The following SPOPL variants were observed in gnomAD, a reference collection of about 807,000 sequenced individuals.
The protein encoded by SPOPL is speckle-type POZ protein-like.
In SPOPL, 23 loss-of-function variants were observed where a neutral mutation model predicts 53.8. That is an observed-to-expected ratio of 0.43 (90% CI 0.31 to 0.61). The LOEUF is 0.61. Among genes scored for constraint, SPOPL ranks in the 20% least tolerant of loss-of-function variants. The pLI, the probability that SPOPL is intolerant of heterozygous loss-of-function variation, is 0.12. For missense variants in SPOPL, 442 were observed against 466.9 expected (o/e 0.95, Z 0.49); for synonymous variants, 164 against 149.7 (o/e 1.10, Z -0.70).
At chr2:138,514,646 G>T (rs1684401023) in intron 1 of SPOPL, among the ~76,000 whole-genome samples, 1 of 152,146 alleles carries the variant, frequency 6.6e-6, no homozygotes, top group Admixed American at 6.5e-5. Flanking sequence ...CATGAATAGA[G>T]TCCCTGTAAA....
intron 1 of SPOPL, among the ~76,000 whole-genome samples, chr2:138,539,055 C>T (rs1685003524): frequency 6.6e-6 from 1 of 152,186 alleles, no homozygotes; most frequent in Non-Finnish European, 1.5e-5. Flanking sequence ...CAGCTTCATC[C>T]ATGTCCCTAC....
chr2:138,526,467 T>A (rs994117765), intron 1 of SPOPL, among the ~76,000 whole-genome samples: 4 of 152,124 alleles, frequency 2.6e-5, no homozygotes, highest in Admixed American at 2.6e-4. Context: ...GAAATTAAAT[T>A]GTGTGTTAAT....
At chr2:138,557,292 A>G (rs73959470) in intron 5 of SPOPL, among the ~76,000 whole-genome samples, 1,651 of 152,310 alleles carry the variant, frequency 0.011, 35 homozygotes, top group African/African-American at 0.037. Context: ...AGGTGAATAG[A>G]TTAGATGATT....
chr2:138,520,505 G>T (rs1558863893), intron 1 of SPOPL, among the ~76,000 whole-genome samples: 1 of 152,170 alleles, frequency 6.6e-6, no homozygotes, highest in South Asian at 2.1e-4. Context: ...GTCAGGTTTT[G>T]CTATTTTGTT....
intron 1 of SPOPL, among the ~76,000 whole-genome samples, chr2:138,535,864 T>C (rs1356448258): frequency 6.6e-6 from 1 of 152,176 alleles, no homozygotes; most frequent in Non-Finnish European, 1.5e-5. Context: ...CTCTACTGAT[T>C]TGTCTGTAAG....
intron 1 of SPOPL, among the ~76,000 whole-genome samples, chr2:138,531,577 G>A (rs1370199228): frequency 4.6e-5 from 7 of 152,070 alleles, no homozygotes; most frequent in Non-Finnish European, 5.9e-5. Flanking sequence ...TGTGTCTCAC[G>A]TTTGCCTTAG....
At chr2:138,550,405 G>T in intron 2 of SPOPL, 78 bp from the exon 3 acceptor site, 2 of 1,584,130 alleles carry the variant, frequency 1.3e-6, no homozygotes, top group Non-Finnish European at 1.7e-6. Context: ...TAGAAGACTG[G>T]ATCGTAGGAT....
chr2:138,536,129 A>C (rs1684926882), intron 1 of SPOPL, among the ~76,000 whole-genome samples: 2 of 152,154 alleles, frequency 1.3e-5, no homozygotes, highest in Admixed American at 6.5e-5. Context: ...TCCAACATGT[A>C]AGTTTAATCA....
chr2:138,515,659 CA>C (rs1684421354), intron 1 of SPOPL, among the ~76,000 whole-genome samples: 1 of 152,128 alleles, frequency 6.6e-6, no homozygotes, highest in Non-Finnish European at 1.5e-5. Context: ...ATTCCTTAAT[CA>C]TTGTAGATTA....
chr2:138,502,547 C>T (rs1271858302), intron 1 of SPOPL, among the ~76,000 whole-genome samples: 1 of 152,188 alleles, frequency 6.6e-6, no homozygotes, highest in East Asian at 1.9e-4. Flanking sequence ...CACTTTCATA[C>T]CTCCTCATCC....
intron 1 of SPOPL, among the ~76,000 whole-genome samples, chr2:138,521,368 T>A (rs79088597): frequency 6.7e-6 from 1 of 148,520 alleles, no homozygotes; most frequent in Admixed American, 6.6e-5. Flanking sequence ...CCCAGAGCTT[T>A]TTTTTTTTTT....
chr2:138,552,692 CTTTTAT>C lies in SPOPL; in HGVS notation c.480+13_480+18del. 1 of 1,606,438 alleles carries C rather than the reference CTTTTAT, an allele frequency of 6.2e-7. No individual in the cohort carries two copies. Among genetic ancestry groups the C allele is most frequent in the East Asian group, 2.2e-5 (1 of 44,676 alleles). Reference sequence around the variant, plus strand: ...ACATTATTTTGTGAGGTGGGTACATCTTTTATTCTAAGAACCCCATGGTTTATTTAG... The same window carrying C: ...ACATTATTTTGTGAGGTGGGTACATCTCTAAGAACCCCATGGTTTATTTAG... On this transcript the variant is annotated intron_variant, in intron 5 of 10. Transcript: ENST00000280098.
chr2:138,564,743 A>G lies in SPOPL; in HGVS notation c.873A>G (p.Glu291=), dbSNP rs112135394. The change falls in exon 9 of 11, where the codon GAA becomes GAG. Residue 291 remains glutamate (E), a synonymous_variant. Coordinates refer to ENST00000280098, the MANE Select transcript of SPOPL (RefSeq NM_001001664.3). ...AACGGCTGAAGGTCATGTGCGAAGA[A>G]GCTTTGTGTAGTAACCTCTCAGTAG... ...ALERLKVMCE[E]ALCSNLSVEN... 1.2e-4 allele frequency: 190 copies of G among 1,614,204 alleles called. 2 individuals are homozygous for G. In the African/African-American group the frequency reaches 2.0e-3, roughly 17 times the overall value.
At chr2:138,559,364 G>T (rs11903991) in intron 7 of SPOPL, 27 bp downstream of exon 7, 204,390 of 1,582,656 alleles carry the variant, frequency 0.13, 15,549 homozygotes, top group African/African-American at 0.34. Context: ...GGCTAATATT[G>T]AATTTATATA....
intron 1 of SPOPL, among the ~76,000 whole-genome samples, chr2:138,503,884 C>T (rs1684158357): frequency 6.6e-6 from 1 of 152,198 alleles, no homozygotes; most frequent in Non-Finnish European, 1.5e-5. Flanking sequence ...GGCTTGTCTT[C>T]CTTCAGAAGA....
At chr2:138,560,960 A>T (rs1191329779) in intron 8 of SPOPL, 33 bp downstream of exon 8, 1 of 1,589,850 alleles carries the variant, frequency 6.3e-7, no homozygotes, top group African/African-American at 1.4e-5. Context: ...ACCAAAATAT[A>T]CCCTCAAGCT....
chr2:138,540,609 C>T (rs1475977883), intron 1 of SPOPL, among the ~76,000 whole-genome samples: 1 of 152,166 alleles, frequency 6.6e-6, no homozygotes, highest in Non-Finnish European at 1.5e-5. Context: ...TGAGACTTTG[C>T]TGAAGTTGCT....
chr2:138,505,338 T>C (rs1254612144), intron 1 of SPOPL, among the ~76,000 whole-genome samples: 1 of 152,142 alleles, frequency 6.6e-6, no homozygotes, highest in African/African-American at 2.4e-5. Context: ...GTTTCCTTAC[T>C]TGGATTTGTT....
intron 1 of SPOPL, among the ~76,000 whole-genome samples, chr2:138,525,839 A>G (rs2104868457): frequency 6.6e-6 from 1 of 151,738 alleles, no homozygotes; most frequent in East Asian, 1.9e-4. Context: ...CTGTCTCAAA[A>G]AAAAAAAAAA....
Sources: allele counts gnomAD v4.1 joint callset (sites outside exome capture counted in the v4.1 genomes callset), GRCh38; gene constraint gnomAD v4.1.1; transcripts MANE v1.5; gene names NCBI Gene and HGNC (gene_info 2026-07-23, HGNC 2026-07-21).